Variants in TSHZ3 observed in about 807,000 individuals in gnomAD.
The protein encoded by TSHZ3 is teashirt homolog 3.
TSHZ3 carries 10 observed loss-of-function variants against 64.5 expected under a neutral mutation model. The ratio of observed to expected loss-of-function variants is 0.16; its 90% CI spans 0.10 to 0.26. TSHZ3 has a LOEUF of 0.26. TSHZ3 is among the 10% of genes least tolerant of loss of function. The pLI, the probability that TSHZ3 is intolerant of heterozygous loss-of-function variation, is 1.00. For missense variants in TSHZ3, 1,242 were observed against 1,421.7 expected (o/e 0.87, Z 2.03); for synonymous variants, 608 against 593.1 (o/e 1.03, Z -0.36).
chr19:31,299,126 C>T (rs1216467532), intron 1 of TSHZ3, among the ~76,000 whole-genome samples: 6 of 152,228 alleles, frequency 3.9e-5, no homozygotes, highest in African/African-American at 7.2e-5. Flanking sequence ...GCCCCAAGGG[C>T]GGAGGTTGCA....
At chr19:31,297,670 G>GTTCCA in intron 1 of TSHZ3, among the ~76,000 whole-genome samples, 1 of 152,078 alleles carries the variant, frequency 6.6e-6, no homozygotes, top group Non-Finnish European at 1.5e-5. Context: ...GTCTAGCTAT[G>GTTCCA]TTGCCCAGGC....
In TSHZ3 at chr19:31,185,573, C is replaced by T. The variant is rs182560743; in HGVS notation, n.809+19383G>A. ...GACTGGGCATCTTTCAATGGTAAGT[C>T]CAGGCAAGGCCATTGTGTGTCTATT... On this transcript the variant is annotated intron_variant and non_coding_transcript_variant, in intron 5 of 6. Transcript: ENST00000651361. Among the ~76,000 whole-genome samples, 8 of 152,272 alleles carry T rather than the reference C, an allele frequency of 5.3e-5. No homozygotes were observed. In the East Asian group the frequency reaches 1.6e-3, roughly 30 times the overall value.
chr19:31,340,359 A>C (rs1170749335), intron 1 of TSHZ3, among the ~76,000 whole-genome samples: 4 of 148,884 alleles, frequency 2.7e-5, no homozygotes, highest in Non-Finnish European at 5.9e-5. Context: ...AAAAAAAAAA[A>C]AAAAACCACA....
At chr19:31,247,870 G>A (rs78796918) in intron 1 of TSHZ3, among the ~76,000 whole-genome samples, 4 of 148,866 alleles carry the variant, frequency 2.7e-5, no homozygotes, top group Non-Finnish European at 4.4e-5. Flanking sequence ...GTGTGTGTGT[G>A]TGTATGTATG....
chr19:31,337,992 C>G (rs1917303484), intron 1 of TSHZ3, among the ~76,000 whole-genome samples: 1 of 152,212 alleles, frequency 6.6e-6, no homozygotes, highest in Non-Finnish European at 1.5e-5. Flanking sequence ...TACAACAAGC[C>G]TTTGATTTCA....
In TSHZ3 at chr19:31,213,211, G is replaced by T. The variant is rs184519042; in HGVS notation, n.687-8133C>A. On this transcript the variant is annotated intron_variant and non_coding_transcript_variant, in intron 4 of 6. Transcript: ENST00000651361. ...TCTCTACTAAAATACAAAAAAATTAGCCGGGCGTGGCGTCATGCACCTGTA... is the reference window on the plus strand; with the variant it reads ...TCTCTACTAAAATACAAAAAAATTATCCGGGCGTGGCGTCATGCACCTGTA... Among the ~76,000 whole-genome samples, 701 of 151,628 alleles carry T rather than the reference G, an allele frequency of 4.6e-3. 8 individuals are homozygous for T. The highest frequency in any genetic ancestry group is 4.5e-3 in the Non-Finnish European group (303 of 67,884).
downstream of TSHZ3, among the ~76,000 whole-genome samples, chr19:31,271,611 G>A (rs945443400): frequency 6.6e-6 from 1 of 152,188 alleles, no homozygotes. Flanking sequence ...TTTTGCAGAG[G>A]CCGGTGAGCC....
intron 5 of TSHZ3, among the ~76,000 whole-genome samples, chr19:31,190,866 T>G (rs115417602): frequency 0.016 from 2,192 of 139,274 alleles, 42 homozygotes; most frequent in African/African-American, 0.056. Flanking sequence ...TAAAAGCTAT[T>G]TAAAAAAAAT....
intron 1 of TSHZ3, among the ~76,000 whole-genome samples, chr19:31,285,515 G>A (rs1334607243): frequency 6.6e-6 from 1 of 151,138 alleles, no homozygotes; most frequent in Non-Finnish European, 1.5e-5. Context: ...AGGCGTGGTG[G>A]CTTACACCTG....
At chr19:31,281,786 C>T (rs979929915) in intron 1 of TSHZ3, among the ~76,000 whole-genome samples, 3 of 152,196 alleles carry the variant, frequency 2.0e-5, no homozygotes, top group Admixed American at 1.3e-4. Flanking sequence ...CACCTGCCCC[C>T]CGACAGACTT....
chr19:31,156,652 T>G (rs1974309255), intron 5 of TSHZ3, among the ~76,000 whole-genome samples: 3 of 152,234 alleles, frequency 2.0e-5, no homozygotes, highest in African/African-American at 7.2e-5. Flanking sequence ...ATTGATTTCC[T>G]GCATTGCAAA....
Position 31,279,653 on chromosome 19 carries a change from C to A in TSHZ3, c.140G>T (p.Cys47Phe). The A allele has an allele frequency of 2.5e-6, 4 of 1,608,118 alleles. No individual in the cohort carries two copies. The highest frequency in any genetic ancestry group is 3.4e-6 in the Non-Finnish European group (4 of 1,176,818). The change falls in exon 2 of 2, where the codon TGC becomes TTC. Residue 47 changes from cysteine (C) to phenylalanine (F), a missense_variant. Coordinates refer to ENST00000240587, the MANE Select transcript of TSHZ3 (RefSeq NM_020856.4). The surrounding 1 kb of genome is among the most constrained non-coding windows in gnomAD (Gnocchi z 6.4). Reference sequence around the variant, plus strand: ...GGCCCTGGCGAGCTCCTTCTCCGGGCACATGTACTTGGCCGAGGGCTCTCC... The same window carrying A: ...GGCCCTGGCGAGCTCCTTCTCCGGGAACATGTACTTGGCCGAGGGCTCTCC... ...ADGEPSAKYM[C>F]PEKELARACP... is the part of the protein sequence containing the mutation.
At position 31,278,908 on chromosome 19, in the gene TSHZ3, G is replaced by C. The variant is rs747007733; in HGVS notation, c.885C>G (p.Ile295Met). The C allele has an allele frequency of 6.2e-7, 1 of 1,614,018 alleles. No homozygotes were observed. Among genetic ancestry groups the C allele is most frequent in the Non-Finnish European group, 8.5e-7 (1 of 1,180,022 alleles). The change falls in exon 2 of 2, where the codon ATC (isoleucine) becomes ATG (methionine). Residue 295 changes from isoleucine to methionine, a missense_variant. Coordinates refer to ENST00000240587, the MANE Select transcript of TSHZ3 (RefSeq NM_020856.4). This position sits in a 1 kb window ranked among gnomAD's most constrained non-coding sequence, Gnocchi z 4.7. ...ESLQDLSVHM[I>M]KTKHYQKVPL... Reference sequence around the variant, plus strand: ...GCACTTTTTGGTAGTGTTTTGTTTTGATCATATGGACACTCAAATCCTGCA... The same window carrying C: ...GCACTTTTTGGTAGTGTTTTGTTTTCATCATATGGACACTCAAATCCTGCA...
intron 4 of TSHZ3, among the ~76,000 whole-genome samples, chr19:31,222,113 C>T (rs1420059259): frequency 2.0e-5 from 3 of 152,178 alleles, no homozygotes; most frequent in South Asian, 4.1e-4. Context: ...TTCTTTGAGC[C>T]TCATAGAGAT....
intron 4 of TSHZ3, among the ~76,000 whole-genome samples, chr19:31,221,540 C>T (rs183426814): frequency 8.5e-4 from 130 of 152,332 alleles, no homozygotes; most frequent in African/African-American, 3.1e-3. Context: ...AGCATCACCA[C>T]GATATCATCT....
chr19:31,175,260 G>C (rs1001284438), intron 5 of TSHZ3, among the ~76,000 whole-genome samples: 1 of 152,066 alleles, frequency 6.6e-6, no homozygotes, highest in African/African-American at 2.4e-5. Flanking sequence ...GGCACATACG[G>C]CTTTGTGTTT....
chr19:31,258,871 T>C (rs1051419520), intron 1 of TSHZ3, among the ~76,000 whole-genome samples: 10 of 152,264 alleles, frequency 6.6e-5, no homozygotes, highest in Admixed American at 2.6e-4. Flanking sequence ...GCCCATCGGG[T>C]CGATTCCTCT....
intron 5 of TSHZ3, among the ~76,000 whole-genome samples, chr19:31,170,526 T>G (rs1323873685): frequency 1.3e-5 from 2 of 152,194 alleles, no homozygotes; most frequent in Non-Finnish European, 2.9e-5. Flanking sequence ...TTCCTGCAGC[T>G]AAAGAGAGCA....
chr19:31,209,574 GAGA>G (rs1027311278), intron 4 of TSHZ3, among the ~76,000 whole-genome samples: 70 of 152,310 alleles, frequency 4.6e-4, no homozygotes, highest in African/African-American at 1.5e-3. Flanking sequence ...GCCAGGCACT[GAGA>G]AGGTGTTCAA....
Sources: allele counts gnomAD v4.1 joint callset (sites outside exome capture counted in the v4.1 genomes callset), GRCh38; gene constraint gnomAD v4.1.1; non-coding constraint Gnocchi (gnomAD v3.1); transcripts MANE v1.5; gene names NCBI Gene and HGNC (gene_info 2026-07-23, HGNC 2026-07-21).